The following RAD54L2 variants were observed in gnomAD, a reference collection of about 807,000 sequenced individuals.
RAD54L2 encodes the protein RAD54 like 2.
In RAD54L2, 27 loss-of-function variants were observed where a neutral mutation model predicts 138.4. The observed-to-expected ratio is 0.20, with a 90% CI of 0.14 to 0.27. RAD54L2 has a LOEUF of 0.27. Ranked by LOEUF, RAD54L2 falls within the 10% of genes least tolerant of loss-of-function variation. The pLI, the probability that RAD54L2 is intolerant of heterozygous loss-of-function variation, is 1.00. For missense variants in RAD54L2, 1,396 were observed against 1,890.2 expected (o/e 0.74, Z 4.85); for synonymous variants, 644 against 723.2 (o/e 0.89, Z 1.76).
At chr3:51,578,931 G>A (rs1380250832) in intron 2 of RAD54L2, among the ~76,000 whole-genome samples, 2 of 152,166 alleles carry the variant, frequency 1.3e-5, no homozygotes. Context: ...ATTGAAGGTG[G>A]TAAATGTGGG....
Position 51,638,215 on chromosome 3 carries a change from A to G in RAD54L2, c.1754A>G (p.Lys585Arg). Residue 585 changes from lysine to arginine, a missense_variant, in exon 12 of 23, where the codon AAG becomes AGG. This residue lies in a region of RAD54L2 where 211 missense variants were observed against 273.8 expected (regional missense o/e 0.77). Transcript: ENST00000684192. The surrounding 1 kb of genome is among the most constrained non-coding windows in gnomAD (Gnocchi z 4.3). ...AATGTGATCCTTGTGCGGCTCTCCA[A>G]GATCCAGCGAGATTTGTATACACAG... ...EENVILVRLS[K>R]IQRDLYTQFM... is the part of the protein sequence containing the mutation. 6.2e-7 allele frequency: 1 copy of G among 1,614,014 alleles called. No homozygotes were observed. The highest frequency in any genetic ancestry group is 8.5e-7 in the Non-Finnish European group (1 of 1,179,890).
rs549003483 is a variant in RAD54L2 at position 51,547,023 on chromosome 3, G to C, written c.-55+5373G>C. Among the ~76,000 whole-genome samples the C allele has an allele frequency of 2.6e-5, 4 of 151,786 alleles. No homozygotes were observed. The East Asian group carries it at 5.8e-4, about 22-fold the overall frequency. On this transcript the variant is annotated intron_variant, in intron 2 of 22. Transcript: ENST00000684192. Reference sequence around the variant, plus strand: ...CAACCTGGGCAACAGAGTGAAACTTGACTCTGTCTTTAAACAAAAAAAAGA... The same window carrying C: ...CAACCTGGGCAACAGAGTGAAACTTCACTCTGTCTTTAAACAAAAAAAAGA...
intron 5 of RAD54L2, 139 bp downstream of exon 5, chr3:51,629,612 A>G (rs1180001392): frequency 3.6e-6 from 4 of 1,123,232 alleles, no homozygotes; most frequent in Non-Finnish European, 4.9e-6. Flanking sequence ...TAATCCCAGC[A>G]TTATGGGAGG....
intron 2 of RAD54L2, among the ~76,000 whole-genome samples, chr3:51,579,989 A>G (rs1699570273): frequency 1.3e-5 from 2 of 151,800 alleles, no homozygotes; most frequent in African/African-American, 2.4e-5. Context: ...CTAACAATCA[A>G]TTTTCCGATT....
chr3:51,630,870 C>T lies in RAD54L2; in HGVS notation c.764C>T (p.Pro255Leu). Residue 255 changes from proline to leucine, a missense_variant, in exon 7 of 23, where the codon CCT becomes CTT. Around this residue, in one of 7 missense-constraint regions of RAD54L2, gnomAD observed 256 missense variants for 344.6 expected, o/e 0.74. Transcript: ENST00000684192. ...LGRVLVNLNH[P>L]PEEENVFLAP... Reference sequence around the variant, plus strand: ...CGGGTCCTTGTCAACCTAAACCACCCTCCAGAGGAGGAAAATGTCTTCCTT... The same window carrying T: ...CGGGTCCTTGTCAACCTAAACCACCTTCCAGAGGAGGAAAATGTCTTCCTT... 1 of 1,614,026 alleles carries T rather than the reference C, an allele frequency of 6.2e-7. No individual in the cohort carries two copies. Among genetic ancestry groups the T allele is most frequent in the Non-Finnish European group, 8.5e-7 (1 of 1,179,884 alleles).
At chr3:51,605,399 T>C (rs890937671) in intron 3 of RAD54L2, among the ~76,000 whole-genome samples, 5 of 151,586 alleles carry the variant, frequency 3.3e-5, no homozygotes, top group Non-Finnish European at 7.4e-5. Context: ...TTCCAGTGGC[T>C]TTTGATACAA....
intron 3 of RAD54L2, among the ~76,000 whole-genome samples, chr3:51,596,040 C>T (rs374638600): frequency 8.1e-5 from 12 of 148,896 alleles, no homozygotes; most frequent in Non-Finnish European, 1.6e-4. Context: ...GTGGTCCTCC[C>T]ACCTTAGCCT....
At chr3:51,613,245 G>A (rs1049401887) in intron 3 of RAD54L2, among the ~76,000 whole-genome samples, 1 of 152,050 alleles carries the variant, frequency 6.6e-6, no homozygotes, top group African/African-American at 2.4e-5. Context: ...CCCCACGCAT[G>A]TGGTTTCATA....
At chr3:51,539,434 T>C (rs1698496921) in intron 1 of RAD54L2, among the ~76,000 whole-genome samples, 1 of 152,084 alleles carries the variant, frequency 6.6e-6, no homozygotes, top group Non-Finnish European at 1.5e-5. Flanking sequence ...AACTGGTGAT[T>C]AGTTCCTGGA....
chr3:51,658,769 A>G (rs1328529934), intron 21 of RAD54L2, among the ~76,000 whole-genome samples: 1 of 152,108 alleles, frequency 6.6e-6, no homozygotes. Flanking sequence ...GATTCTTCCT[A>G]GTCTAGAACC....
rs988538190 is a variant in RAD54L2, at chr3:51,667,173, T to TG, written c.*3753_*3754insG. On this transcript the variant is annotated 3_prime_UTR_variant, in exon 23 of 23. Transcript: ENST00000684192. ...TTACCTTCTGCTTCCCACTTCCTTT[T>TG]TTTTTTTTTTGAGACAGAGTCTTGC... 6.6e-6 allele frequency: 1 copy of TG among 151,968 alleles called. No individual in the cohort carries two copies. The highest frequency in any genetic ancestry group is 2.4e-5 in the African/African-American group (1 of 41,330). The allele number at this position is 151,968 out of a possible 1,614,324, so 9.4% of individuals were successfully genotyped here. A position where few individuals can be genotyped will look rare whatever the true frequency, so the allele number is the denominator to read the frequency against.
intron 3 of RAD54L2, among the ~76,000 whole-genome samples, chr3:51,608,209 C>T (rs1196298130): frequency 1.3e-5 from 2 of 148,316 alleles, no homozygotes; most frequent in Admixed American, 6.7e-5. Context: ...CGGGCAGAGG[C>T]GCTCTTCACA....
intron 3 of RAD54L2, among the ~76,000 whole-genome samples, chr3:51,606,968 C>T (rs964323164): frequency 1.3e-5 from 2 of 151,238 alleles, no homozygotes; most frequent in Non-Finnish European, 2.9e-5. Context: ...AGGCATGAGC[C>T]ACCGTGCCTG....
chr3:51,648,126 G>A (rs1231638164), intron 19 of RAD54L2, among the ~76,000 whole-genome samples: 2 of 152,146 alleles, frequency 1.3e-5, no homozygotes, highest in Non-Finnish European at 2.9e-5. Context: ...CTTAGCAAAC[G>A]GCACACCAGG....
At chr3:51,639,310 G>A (rs1701066406) in intron 12 of RAD54L2, 109 bp from the exon 13 acceptor site, 4 of 1,344,112 alleles carry the variant, frequency 3.0e-6, no homozygotes, top group Non-Finnish European at 4.1e-6. Context: ...GTGTGACAGT[G>A]TTTATTGTGG....
intron 2 of RAD54L2, among the ~76,000 whole-genome samples, chr3:51,574,792 A>G (rs977123763): frequency 7.2e-5 from 11 of 152,134 alleles, no homozygotes; most frequent in Non-Finnish European, 1.3e-4. Context: ...CCCATTCTGT[A>G]GGTTGCCTGT....
intron 3 of RAD54L2, among the ~76,000 whole-genome samples, chr3:51,604,734 G>A (rs955309386): frequency 6.6e-6 from 1 of 152,164 alleles, no homozygotes; most frequent in Admixed American, 6.6e-5. Flanking sequence ...TCCTGCAGGA[G>A]TGACTGGAGT....
At position 51,618,054 on chromosome 3, in the gene RAD54L2, G is replaced by A. The variant is rs188855792; in HGVS notation, c.140-9499G>A. On this transcript the variant is annotated intron_variant, in intron 3 of 22. Coordinates refer to ENST00000684192, the MANE Select transcript of RAD54L2 (RefSeq NM_015106.4). ...CCTCATTACAACCTCCGCTTCCTGGGTTCAAGCAATTCTCTTGCCTCATCC... is the reference window on the plus strand; with the variant it reads ...CCTCATTACAACCTCCGCTTCCTGGATTCAAGCAATTCTCTTGCCTCATCC... Among the ~76,000 whole-genome samples the A allele has an allele frequency of 2.1e-3, 322 of 151,884 alleles. 1 individual carries two copies. The highest frequency in any genetic ancestry group is 7.3e-3 in the African/African-American group (303 of 41,418).
At position 51,596,311 on chromosome 3, in the gene RAD54L2, AAG is replaced by A. The variant is rs1356457916; in HGVS notation, c.139+5758_139+5759del. 9.3e-5 allele frequency among the ~76,000 whole-genome samples: 14 copies of A among 150,926 alleles called. No individual in the cohort carries two copies. The Admixed American group carries it at 9.3e-4, about 10-fold the overall frequency. On this transcript the variant is annotated intron_variant, in intron 3 of 22. Coordinates refer to ENST00000684192, the MANE Select transcript of RAD54L2 (RefSeq NM_015106.4). ...CTGTCCGTGATAGGGAGCCCAGACC[AAG>A]AGAGATGTCCAAGGGTCTTTCAGTC...
Sources: gnomAD v4.1 joint callset for allele counts (sites outside exome capture counted in the v4.1 genomes callset) on GRCh38, gnomAD v4.1.1 for gene constraint, gnomAD v4.1.1 regional missense constraint, Gnocchi (gnomAD v3.1) non-coding constraint, MANE v1.5 for transcripts, NCBI Gene and HGNC (gene_info 2026-07-23, HGNC 2026-07-21) for gene names.